The following ARHGEF17 variants were observed in gnomAD, a reference collection of about 807,000 sequenced individuals.
ARHGEF17 encodes the protein 164 kDa Rho-specific guanine-nucleotide exchange factor.
In ARHGEF17, 80 loss-of-function variants were observed where a neutral mutation model predicts 174.0. That is an observed-to-expected ratio of 0.46 (90% CI 0.38 to 0.55). ARHGEF17 has a LOEUF of 0.55. ARHGEF17 is among the 20% of genes least tolerant of loss of function. The pLI is 0.00. For missense variants in ARHGEF17, 2,886 were observed against 2,839.7 expected (o/e 1.02, Z -0.37); for synonymous variants, 1,311 against 1,189.1 (o/e 1.10, Z -2.11).
Position 73,311,323 on chromosome 11 carries a change from C to T in ARHGEF17, c.2685C>T (p.Pro895=), listed in dbSNP as rs773311250. 4.2e-5 allele frequency: 68 copies of T among 1,613,234 alleles called. No individual in the cohort carries two copies. The highest frequency in any genetic ancestry group is 5.8e-5 in the Non-Finnish European group (68 of 1,180,038). The change falls in exon 1 of 21, where the codon CCC becomes CCT. Residue 895 remains proline (P), a synonymous_variant. Coordinates refer to ENST00000263674, the MANE Select transcript of ARHGEF17 (RefSeq NM_014786.4). ...SERALPEALP[P]PATAHRNFHL... Reference sequence around the variant, plus strand: ...GGGCCCTACCTGAGGCTCTGCCTCCCCCTGCCACTGCCCACCGAAACTTTC... The same window carrying T: ...GGGCCCTACCTGAGGCTCTGCCTCCTCCTGCCACTGCCCACCGAAACTTTC...
intron 11 of ARHGEF17, 95 bp downstream of exon 11, chr11:73,360,628 C>T (rs1591760749): frequency 1.5e-6 from 2 of 1,341,564 alleles, no homozygotes; most frequent in East Asian, 2.3e-5. Flanking sequence ...GGAGCCAGAA[C>T]CGCAGTGCCC....
chr11:73,312,662 C>G (rs1173363304), intron 1 of ARHGEF17, among the ~76,000 whole-genome samples: 1 of 151,896 alleles, frequency 6.6e-6, no homozygotes. Context: ...GGCTGGGCAG[C>G]CAGGGCCCTT....
intron 20 of ARHGEF17, 23 bp from the exon 21 acceptor site, chr11:73,367,561 C>G (rs760766149): frequency 1.9e-6 from 3 of 1,591,630 alleles, no homozygotes; most frequent in Middle Eastern, 1.7e-4. Context: ...CCCAAGCTGA[C>G]AGATCCTCCC....
chr11:73,324,225 T>A (rs1471791802), intron 1 of ARHGEF17, among the ~76,000 whole-genome samples: 2 of 152,170 alleles, frequency 1.3e-5, no homozygotes, highest in African/African-American at 4.8e-5. Flanking sequence ...GATGTGGAGA[T>A]GTGGGTGGGA....
intron 1 of ARHGEF17, among the ~76,000 whole-genome samples, chr11:73,320,353 C>T (rs936290595): frequency 6.6e-6 from 1 of 151,772 alleles, no homozygotes; most frequent in African/African-American, 2.4e-5. Context: ...TTTTGTTTTT[C>T]GGCCGGGCGC....
intron 1 of ARHGEF17, among the ~76,000 whole-genome samples, chr11:73,313,300 C>G (rs1864872048): frequency 1.3e-5 from 2 of 152,084 alleles, no homozygotes; most frequent in Admixed American, 6.5e-5. Flanking sequence ...ACTCCAGTGC[C>G]AGTTCTGAAG....
Position 73,310,079 on chromosome 11 carries a change from G to C in ARHGEF17, c.1441G>C (p.Asp481His), listed in dbSNP as rs762277484. ...TLTLLSFLRS[D>H]LSELRVRKPG... ...GACGCTTCTCAGTTTCCTGCGCTCA[G>C]ACCTTTCAGAGCTGAGGGTCCGAAA... Residue 481 changes from aspartate to histidine, a missense_variant, in exon 1 of 21, where the codon GAC becomes CAC. Asp to His is a moderately conservative substitution (Grantham distance 81, BLOSUM62 -1). Around this residue, in one of 4 missense-constraint regions of ARHGEF17, gnomAD observed 1,728 missense variants for 1,461.2 expected, o/e 1.18. Coordinates refer to ENST00000263674, the MANE Select transcript of ARHGEF17 (RefSeq NM_014786.4). 6.2e-7 allele frequency: 1 copy of C among 1,614,160 alleles called. No homozygotes were observed. The highest frequency in any genetic ancestry group is 8.5e-7 in the Non-Finnish European group (1 of 1,180,028).
intron 1 of ARHGEF17, among the ~76,000 whole-genome samples, chr11:73,337,603 A>G (rs951083647): frequency 6.6e-6 from 1 of 152,064 alleles, no homozygotes; most frequent in African/African-American, 2.4e-5. Context: ...TATTTTTTGT[A>G]GAGATGAGGT....
At chr11:73,333,882 C>T (rs529083318) in intron 1 of ARHGEF17, among the ~76,000 whole-genome samples, 40 of 152,304 alleles carry the variant, frequency 2.6e-4, no homozygotes, top group South Asian at 2.5e-3. Context: ...ATATCAAATG[C>T]GTAGAAATGG....
At chr11:73,349,229 T>C (rs1486705992) in intron 2 of ARHGEF17, among the ~76,000 whole-genome samples, 2 of 152,158 alleles carry the variant, frequency 1.3e-5, no homozygotes. Context: ...ACGTGCGTCC[T>C]CACTGGGTGA....
chr11:73,339,678 G>A (rs1006250583), intron 1 of ARHGEF17, among the ~76,000 whole-genome samples: 1 of 152,190 alleles, frequency 6.6e-6, no homozygotes, highest in African/African-American at 2.4e-5. Context: ...AGATTGGGCA[G>A]AAGTAGGGAG....
intron 1 of ARHGEF17, among the ~76,000 whole-genome samples, chr11:73,339,400 ATTAT>A (rs1221887655): frequency 6.6e-6 from 1 of 152,132 alleles, no homozygotes; most frequent in Non-Finnish European, 1.5e-5. Context: ...CCATTAATTT[ATTAT>A]TTATTCATTT....
At position 73,365,587 on chromosome 11, in the gene ARHGEF17, G is replaced by A. The variant is rs1371256337; in HGVS notation, c.5725+23G>A. 5 of 1,612,822 alleles carry A rather than the reference G, an allele frequency of 3.1e-6. No individual in the cohort carries two copies. The East Asian group carries it at 1.1e-4, about 36-fold the overall frequency. ...CAGGTACTGACCTCAAACTACCACA[G>A]CACCCTCCTTGGAGCCTTTCTGCCC... is the stretch of plus-strand genomic sequence containing the variant. On this transcript the variant is annotated intron_variant, in intron 19 of 20. Coordinates refer to ENST00000263674, the MANE Select transcript of ARHGEF17 (RefSeq NM_014786.4). The surrounding 1 kb of genome is among the most constrained non-coding windows in gnomAD (Gnocchi z 4.9).
Position 73,367,710 on chromosome 11 carries a change from G to C in ARHGEF17, c.6122G>C (p.Gly2041Ala), listed in dbSNP as rs1865864814. 6.2e-7 allele frequency: 1 copy of C among 1,613,994 alleles called. No individual in the cohort carries two copies. Among genetic ancestry groups the C allele is most frequent in the African/African-American group, 1.3e-5 (1 of 74,928 alleles). The part of the protein sequence containing the change: ...DGYEDFRLSS[G>A]GGSSSETVGR... ...TATGAGGACTTCCGACTCAGCAGTGGGGGCGGCAGCAGCAGTGAGACTGTG... is the reference window on the plus strand; with the variant it reads ...TATGAGGACTTCCGACTCAGCAGTGCGGGCGGCAGCAGCAGTGAGACTGTG... The change falls in exon 21 of 21, where the codon GGG becomes GCG. Residue 2041 changes from glycine to alanine, a missense_variant. By Grantham distance (60) the Gly-to-Ala change is moderately conservative. Coordinates refer to ENST00000263674, the MANE Select transcript of ARHGEF17 (RefSeq NM_014786.4).
In ARHGEF17 at chr11:73,308,433, G is replaced by A. The variant is rs1864726605; in HGVS notation, c.-206G>A. Reference sequence around the variant, plus strand: ...TGGGGGTCGGCGCTGAGGCGGGAGGGGCCGCCCGGGATGGAGACGTTGCGG... The same window carrying A: ...TGGGGGTCGGCGCTGAGGCGGGAGGAGCCGCCCGGGATGGAGACGTTGCGG... On this transcript the variant is annotated 5_prime_UTR_variant, in exon 1 of 21. Coordinates refer to ENST00000263674, the MANE Select transcript of ARHGEF17 (RefSeq NM_014786.4). 2.2e-6 allele frequency: 1 copy of A among 463,834 alleles called. No individual in the cohort carries two copies. Among genetic ancestry groups the A allele is most frequent in the African/African-American group, 2.0e-5 (1 of 49,330 alleles). 28.7% of individuals were successfully genotyped at this position (463,834 alleles called of 1,614,324 possible). A position where few individuals can be genotyped will look rare whatever the true frequency, so the allele number is the denominator to read the frequency against.
intron 1 of ARHGEF17, among the ~76,000 whole-genome samples, chr11:73,320,809 C>T (rs897468168): frequency 4.6e-5 from 7 of 151,968 alleles, no homozygotes; most frequent in East Asian, 3.9e-4. Context: ...CACAGGCATG[C>T]GCCATCATGC....
At chr11:73,329,347 ATATATATATATATATATATATATATATTT>A (rs1352252285) in intron 1 of ARHGEF17, among the ~76,000 whole-genome samples, 1 of 30,764 alleles carries the variant, frequency 3.3e-5, no homozygotes, top group Admixed American at 2.3e-4. Flanking sequence ...ATATATATAT[ATATATATATATATATATATATATATATTT>A]TTTTTTTTTT....
At chr11:73,359,716 G>A (rs897475774) in intron 9 of ARHGEF17, 118 bp from the exon 10 acceptor site, 10 of 812,378 alleles carry the variant, frequency 1.2e-5, no homozygotes, top group East Asian at 1.1e-4. Context: ...CTATGCTTTC[G>A]GTTTGTCAGG....
intron 9 of ARHGEF17, 147 bp from the exon 10 acceptor site, chr11:73,359,687 T>TC: frequency 1.6e-6 from 1 of 609,848 alleles, no homozygotes. Flanking sequence ...TTAACTTTTT[T>TC]CCCAAGAGCT....
Sources: allele counts gnomAD v4.1 joint callset (sites outside exome capture counted in the v4.1 genomes callset), GRCh38; gene constraint gnomAD v4.1.1; regional missense constraint gnomAD v4.1.1; non-coding constraint Gnocchi (gnomAD v3.1); transcripts MANE v1.5; gene names NCBI Gene and HGNC (gene_info 2026-07-23, HGNC 2026-07-21).